The following PPP1R13L variants were observed in gnomAD, a reference collection of about 807,000 sequenced individuals.
PPP1R13L encodes the protein protein phosphatase 1 regulatory subunit 13 like, also known as relA-associated inhibitor.
PPP1R13L carries 50 observed loss-of-function variants against 80.9 expected under a neutral mutation model. The ratio of observed to expected loss-of-function variants is 0.62; its 90% confidence interval spans 0.49 to 0.78. PPP1R13L has a LOEUF of 0.78. Ranked by LOEUF, PPP1R13L falls within the 30% of genes least tolerant of loss-of-function variation. PPP1R13L has a pLI of 0.00. For missense variants in PPP1R13L, 1,200 were observed against 1,205.9 expected, an observed-to-expected ratio of 1.00 and a Z score of 0.07; for synonymous variants, 602 against 534.3, an observed-to-expected ratio of 1.13 and a Z score of -1.75.
rs543685976 is a variant in PPP1R13L, at chr19:45,380,540, G to A, written c.2449-312C>T. Reference sequence around the variant, plus strand: ...TTAAAAAATCTCCTCTCTCAGGGCCGGGAGCAGTGGGTCACACCTATAATC... The same window carrying A: ...TTAAAAAATCTCCTCTCTCAGGGCCAGGAGCAGTGGGTCACACCTATAATC... On this transcript the variant is annotated intron_variant, in intron 12 of 12. Coordinates refer to ENST00000360957, the MANE Select transcript of PPP1R13L (RefSeq NM_006663.4). 3.9e-5 allele frequency among the ~76,000 whole-genome samples: 6 copies of A among 152,042 alleles called. No homozygotes were observed. The East Asian group carries it at 1.2e-3, about 29-fold the overall frequency.
chr19:45,382,265 A>T (rs1238641862), intron 12 of PPP1R13L, among the ~76,000 whole-genome samples: 1 of 151,624 alleles, frequency 6.6e-6, no homozygotes, highest in Non-Finnish European at 1.5e-5. Flanking sequence ...AAATAAAAAT[A>T]AAAAAATAAT....
intron 1 of PPP1R13L, among the ~76,000 whole-genome samples, chr19:45,400,119 C>T (rs1973202061): frequency 2.6e-5 from 4 of 151,936 alleles, no homozygotes; most frequent in African/African-American, 4.8e-5. Flanking sequence ...GTTTCACACC[C>T]GCATCTAACT....
chr19:45,386,112 C>T lies in PPP1R13L; in HGVS notation c.1884G>A (p.Leu628=), dbSNP rs769832567. Residue 628 remains leucine (L), a synonymous_variant, in exon 9 of 13, where the codon CTG becomes CTA. Coordinates refer to ENST00000360957, the MANE Select transcript of PPP1R13L (RefSeq NM_006663.4). ...TCAGCGCCGCGTCCAGGAGGAGCAC[C>T]AGAGGGTTGAGGCGCGCGCGGCGGG... is the stretch of plus-strand genomic sequence containing the variant. ...RKARRARLNP[L]VLLLDAALTG... The T allele has an allele frequency of 1.3e-6, 2 of 1,571,500 alleles. No homozygotes were observed. The highest frequency in any genetic ancestry group is 1.7e-6 in the Non-Finnish European group (2 of 1,166,026).
chr19:45,388,985 G>A lies in PPP1R13L; in HGVS notation c.1816-2805C>T, dbSNP rs533175855. Reference sequence around the variant, plus strand: ...ACTCCTGACCTCAAGTGATCCACCCGCCTCGGCCTCCCAAGGTGCTGGGAT... The same window carrying A: ...ACTCCTGACCTCAAGTGATCCACCCACCTCGGCCTCCCAAGGTGCTGGGAT... On this transcript the variant is annotated intron_variant, in intron 8 of 12. Transcript: ENST00000360957. Among the ~76,000 whole-genome samples the A allele has an allele frequency of 2.6e-5, 4 of 152,174 alleles. No homozygotes were observed. The South Asian group carries it at 6.2e-4, about 24-fold the overall frequency.
At position 45,396,231 on chromosome 19, in the gene PPP1R13L, C is replaced by A. The variant is rs759673979; in HGVS notation, c.840G>T (p.Ser280=). 7.5e-6 allele frequency: 12 copies of A among 1,609,940 alleles called. No individual in the cohort carries two copies. In the African/African-American group the frequency reaches 1.1e-4, roughly 14 times the overall value. ...ERLDVFARPA[S]PSLQLLPWRE... is the part of the protein sequence containing the mutation. ...TCCAAGGCAACAGCTGCAGGCTCGG[C>A]GAGGCAGGCCTTGCGAAGACGTCCA... is the stretch of plus-strand genomic sequence containing the variant. Residue 280 remains serine (S), a synonymous_variant, in exon 6 of 13, where the codon TCG becomes TCT. Coordinates refer to ENST00000360957, the MANE Select transcript of PPP1R13L (RefSeq NM_006663.4). This position sits in a 1 kb window ranked among gnomAD's most constrained non-coding sequence, Gnocchi z 5.3.
chr19:45,383,999 A>G (rs1391142478), intron 11 of PPP1R13L, among the ~76,000 whole-genome samples: 1 of 151,478 alleles, frequency 6.6e-6, no homozygotes, highest in Non-Finnish European at 1.5e-5. Flanking sequence ...TCCTGAGCTC[A>G]TGCAATCCGC....
Position 45,403,646 on chromosome 19 carries a change from C to T in PPP1R13L, c.-22+1353G>A, listed in dbSNP as rs76267002. Among the ~76,000 whole-genome samples, 112 of 152,290 alleles carry T rather than the reference C, an allele frequency of 7.4e-4. No homozygotes were observed. In the Middle Eastern group the frequency reaches 0.01, roughly 14 times the overall value. On this transcript the variant is annotated intron_variant, in intron 1 of 12. Transcript: ENST00000360957. ...TCACCCAAGATTCCTCTAGACAATGCGAGCTTTCCTACCTACCTACCTACC... is the reference window on the plus strand; with the variant it reads ...TCACCCAAGATTCCTCTAGACAATGTGAGCTTTCCTACCTACCTACCTACC...
Position 45,389,676 on chromosome 19 carries a change from G to A in PPP1R13L, c.1815+2204C>T, listed in dbSNP as rs190175103. Reference sequence around the variant, plus strand: ...AATACAAAAATTAGCCAAGCGTGGTGGCATATGCCTGTAATCCCAGCCACT... The same window carrying A: ...AATACAAAAATTAGCCAAGCGTGGTAGCATATGCCTGTAATCCCAGCCACT... On this transcript the variant is annotated intron_variant, in intron 8 of 12. Coordinates refer to ENST00000360957, the MANE Select transcript of PPP1R13L (RefSeq NM_006663.4). 3.0e-4 allele frequency among the ~76,000 whole-genome samples: 46 copies of A among 152,232 alleles called. 1 individual carries two copies. The highest frequency in any genetic ancestry group is 1.0e-3 in the Admixed American group (16 of 15,272).
At chr19:45,380,284 G>A in intron 12 of PPP1R13L, 56 bp from the exon 13 acceptor site, 1 of 1,598,032 alleles carries the variant, frequency 6.3e-7, no homozygotes, top group Non-Finnish European at 8.6e-7. Context: ...CATCCCACAT[G>A]CAAATCCGCT....
intron 11 of PPP1R13L, among the ~76,000 whole-genome samples, chr19:45,385,108 T>C (rs142361284): frequency 2.6e-5 from 4 of 152,190 alleles, no homozygotes; most frequent in African/African-American, 9.6e-5. Flanking sequence ...TGATGTAGCC[T>C]GCCCCCTGGA....
Position 45,397,020 on chromosome 19 carries a change from G to A in PPP1R13L, c.237C>T (p.Phe79=). The A allele has an allele frequency of 7.3e-7, 1 of 1,369,370 alleles. No homozygotes were observed. Among genetic ancestry groups the A allele is most frequent in the Non-Finnish European group, 9.4e-7 (1 of 1,063,860 alleles). The allele number at this position is 1,369,370 out of a possible 1,614,324, so 84.8% of individuals were successfully genotyped here. A position where few individuals can be genotyped will look rare whatever the true frequency, so the allele number is the denominator to read the frequency against. Residue 79 remains phenylalanine (F), a synonymous_variant, in exon 4 of 13, where the codon TTC becomes TTT. Coordinates refer to ENST00000360957, the MANE Select transcript of PPP1R13L (RefSeq NM_006663.4). ...RYSSSSIPEP[F]GSRGSPRKAA... Reference sequence around the variant, plus strand: ...CCTTCCGGGGGGACCCTCGGCTGCCGAAGGGCTCAGGGATCGAGCTGGAGC... The same window carrying A: ...CCTTCCGGGGGGACCCTCGGCTGCCAAAGGGCTCAGGGATCGAGCTGGAGC...
rs991290437 is a variant in PPP1R13L at position 45,395,477 on chromosome 19, G to T, written c.1313C>A (p.Ala438Asp). The T allele has an allele frequency of 4.0e-6, 6 of 1,501,662 alleles. No individual in the cohort carries two copies. Among genetic ancestry groups the T allele is most frequent in the Non-Finnish European group, 4.5e-6 (5 of 1,118,912 alleles). 93.0% of individuals were successfully genotyped at this position (1,501,662 alleles called of 1,614,324 possible). A position where few individuals can be genotyped will look rare whatever the true frequency, so the allele number is the denominator to read the frequency against. Residue 438 changes from alanine to aspartate, a missense_variant, in exon 7 of 13, where the codon GCC becomes GAC. Coordinates refer to ENST00000360957, the MANE Select transcript of PPP1R13L (RefSeq NM_006663.4). ...PQTQPQTPTP[A>D]PQHPQQTWPP... ...CCATGTCTGTTGGGGATGCTGGGGGGCTGGGGTAGGGGTTTGGGGTTGGGT... is the reference window on the plus strand; with the variant it reads ...CCATGTCTGTTGGGGATGCTGGGGGTCTGGGGTAGGGGTTTGGGGTTGGGT...
At chr19:45,400,602 C>CT (rs57044476) in intron 1 of PPP1R13L, among the ~76,000 whole-genome samples, 44,093 of 138,752 alleles carry the variant, frequency 0.32, 8,535 homozygotes, top group East Asian at 0.74. Flanking sequence ...GGCAAATCAC[C>CT]TTTTTTTTTT....
chr19:45,384,017 G>C (rs1221580469), intron 11 of PPP1R13L, among the ~76,000 whole-genome samples: 1 of 150,856 alleles, frequency 6.6e-6, no homozygotes, highest in Non-Finnish European at 1.5e-5. Context: ...CGCCCGCCTC[G>C]AGCCTCCCAA....
intron 8 of PPP1R13L, among the ~76,000 whole-genome samples, chr19:45,386,722 A>T (rs902074152): frequency 2.7e-5 from 4 of 146,388 alleles, no homozygotes; most frequent in Non-Finnish European, 6.0e-5. Flanking sequence ...TGCACCCTCC[A>T]TCCCCCAGGT....
Position 45,396,232 on chromosome 19 carries a change from G to A in PPP1R13L, c.839C>T (p.Ser280Leu). ...CCAAGGCAACAGCTGCAGGCTCGGC[G>A]AGGCAGGCCTTGCGAAGACGTCCAG... ...ERLDVFARPA[S>L]PSLQLLPWRE... is the part of the protein sequence containing the mutation. Residue 280 changes from serine (S) to leucine (L), a missense_variant, in exon 6 of 13, where the codon TCG becomes TTG. By Grantham distance (145) the Ser-to-Leu change is moderately radical. Transcript: ENST00000360957. This position sits in a 1 kb window ranked among gnomAD's most constrained non-coding sequence, Gnocchi z 5.3. 6.2e-7 allele frequency: 1 copy of A among 1,610,440 alleles called. No homozygotes were observed. The highest frequency in any genetic ancestry group is 8.5e-7 in the Non-Finnish European group (1 of 1,179,444).
At chr19:45,399,989 T>C (rs535431254) in intron 1 of PPP1R13L, among the ~76,000 whole-genome samples, 2 of 151,080 alleles carry the variant, frequency 1.3e-5, no homozygotes, top group South Asian at 2.1e-4. Flanking sequence ...CCTTCTAGAG[T>C]GGTGAGAAAT....
rs34843313 is a variant in PPP1R13L at position 45,396,567 on chromosome 19, G to A, written c.690C>T (p.Phe230=). The A allele has an allele frequency of 2.3e-3, 3,411 of 1,515,848 alleles. 62 individuals are homozygous for A. In the African/African-American group the frequency reaches 0.041, roughly 18 times the overall value. The allele number at this position is 1,515,848 out of a possible 1,614,324, so 93.9% of individuals were successfully genotyped here. ...CACCTTGCGCGCGCAGAGGCGGGGCGAATGCGCTGCCGCCGGAGCCTAGCA... is the reference window on the plus strand; with the variant it reads ...CACCTTGCGCGCGCAGAGGCGGGGCAAATGCGCTGCCGCCGGAGCCTAGCA... The part of the protein sequence containing the change: ...SSLLGSGGSA[F]APPLRAQDDL... The change falls in exon 4 of 13, where the codon TTC becomes TTT. Residue 230 remains phenylalanine, a synonymous_variant. Transcript: ENST00000360957. This position sits in a 1 kb window ranked among gnomAD's most constrained non-coding sequence, Gnocchi z 5.3.
chr19:45,402,112 C>T (rs924295991), intron 1 of PPP1R13L: 1 of 152,110 alleles, frequency 6.6e-6, no homozygotes, highest in Non-Finnish European at 1.5e-5. Flanking sequence ...ATTGAGGCCT[C>T]AGGAAGAAGA....
Sources: gnomAD v4.1 joint callset for allele counts (sites outside exome capture counted in the v4.1 genomes callset) on GRCh38, gnomAD v4.1.1 for gene constraint, Gnocchi (gnomAD v3.1) non-coding constraint, MANE v1.5 for transcripts, NCBI Gene and HGNC (gene_info 2026-07-23, HGNC 2026-07-21) for gene names.